CSMD1: variants seen among roughly 807,000 people sequenced by gnomAD.
CSMD1 encodes the protein CUB and sushi domain-containing protein 1.
Under a neutral mutation model 417.5 loss-of-function variants are expected in CSMD1, and 213 were observed. That is an observed-to-expected ratio of 0.51 (90% CI 0.46 to 0.57). CSMD1 has a LOEUF of 0.57. Ranked by LOEUF, CSMD1 falls within the 20% of genes least tolerant of loss-of-function variation. CSMD1 has a pLI of 0.00. For synonymous variants in CSMD1, 2,862 were observed against 1,736.8 expected (o/e 1.65, Z -16.11); for missense variants, 6,923 against 4,529.7 (o/e 1.53, Z -15.17).
intron 36 of CSMD1, among the ~76,000 whole-genome samples, chr8:3,184,899 G>A (rs1020346): frequency 0.45 from 67,886 of 151,644 alleles, 15,321 homozygotes; most frequent in South Asian, 0.58. Context: ...AATGCTCTTT[G>A]ACAAGTCCCT....
intron 1 of CSMD1, among the ~76,000 whole-genome samples, chr8:4,850,450 T>C (rs745348640): frequency 1.6e-4 from 24 of 150,962 alleles, no homozygotes; most frequent in Middle Eastern, 3.4e-3. Flanking sequence ...TTTTCATTGA[T>C]TGCTCAGGAA....
intron 3 of CSMD1, among the ~76,000 whole-genome samples, chr8:4,347,659 A>G (rs1800850414): frequency 6.6e-6 from 1 of 152,204 alleles, no homozygotes; most frequent in African/African-American, 2.4e-5. Context: ...GTAATTTCAC[A>G]TCAGTATGCA....
chr8:3,994,952 T>G (rs147906783), intron 5 of CSMD1, among the ~76,000 whole-genome samples: 2 of 152,250 alleles, frequency 1.3e-5, no homozygotes, highest in African/African-American at 2.4e-5. Context: ...CCACTCACAG[T>G]CACTCGCACC....
intron 5 of CSMD1, among the ~76,000 whole-genome samples, chr8:3,774,112 A>G (rs1994051): frequency 0.13 from 19,099 of 152,146 alleles, 1,975 homozygotes; most frequent in African/African-American, 0.28. Context: ...TCCGCAACCC[A>G]TTCCCTCTTA....
chr8:3,330,830 T>C (rs1242763525), intron 23 of CSMD1, among the ~76,000 whole-genome samples: 2 of 152,234 alleles, frequency 1.3e-5, no homozygotes, highest in African/African-American at 2.4e-5. Context: ...TAGGAATGAA[T>C]TATCAGCAGG....
intron 5 of CSMD1, among the ~76,000 whole-genome samples, chr8:3,954,363 G>A (rs1228197853): frequency 6.6e-6 from 1 of 150,718 alleles, no homozygotes; most frequent in Non-Finnish European, 1.5e-5. Context: ...GGGATCCTAG[G>A]ACTTTTTTTT....
chr8:4,928,169 T>A (rs1806998387), intron 1 of CSMD1, among the ~76,000 whole-genome samples: 1 of 152,226 alleles, frequency 6.6e-6, no homozygotes, highest in African/African-American at 2.4e-5. Flanking sequence ...ACTTTCCCGT[T>A]GCCATTGGCA....
intron 3 of CSMD1, among the ~76,000 whole-genome samples, chr8:4,224,193 G>C (rs1370515071): frequency 2.0e-5 from 3 of 150,776 alleles, no homozygotes; most frequent in Non-Finnish European, 4.4e-5. Flanking sequence ...TGAAAGTTAT[G>C]CAAAGCGTTT....
chr8:3,853,861 ATATAT>A (rs1804093548), intron 5 of CSMD1, among the ~76,000 whole-genome samples: 1 of 148,014 alleles, frequency 6.8e-6, no homozygotes, highest in Non-Finnish European at 1.5e-5. Context: ...CTAAAACTTA[ATATAT>A]TATACTTTAA....
chr8:4,322,691 G>A (rs987388899), intron 3 of CSMD1, among the ~76,000 whole-genome samples: 1 of 152,192 alleles, frequency 6.6e-6, no homozygotes, highest in Non-Finnish European at 1.5e-5. Context: ...AAGAGATGGT[G>A]ACAAGGTTGA....
In CSMD1 at chr8:4,637,740, A is replaced by C. The variant is rs1010071001; in HGVS notation, c.86-182T>G. ...CTGCGGACTGCAGTGGCGCGATCTC[A>C]GCTCACTGCAAGCTCCGCTTCCCGG... On this transcript the variant is annotated intron_variant, in intron 1 of 69. Transcript: ENST00000635120. Among the ~76,000 whole-genome samples the C allele has an allele frequency of 5.9e-5, 8 of 134,600 alleles. No individual in the cohort carries two copies. In the East Asian group the frequency reaches 9.2e-4, roughly 15 times the overall value. The allele number at this position is 134,600 out of a possible 152,430, so 88.3% of individuals were successfully genotyped here. A position where few individuals can be genotyped will look rare whatever the true frequency, so the allele number is the denominator to read the frequency against.
Position 3,308,415 on chromosome 8 carries a change from A to C in CSMD1, c.3720T>G (p.Val1240=). 1.2e-6 allele frequency: 2 copies of C among 1,613,588 alleles called. No homozygotes were observed. Among genetic ancestry groups the C allele is most frequent in the Non-Finnish European group, 1.7e-6 (2 of 1,179,554 alleles). The part of the protein sequence containing the change: ...RDEGHFTDTV[V]LYSCNPGYAM... ...CGTACCCCGGGTTGCAACTGTACAG[A>C]ACTACAGTGTCGGTAAAGTGGCCTT... Residue 1240 remains valine (V), a synonymous_variant, in exon 24 of 70, where the codon GTT becomes GTG. Transcript: ENST00000635120.
chr8:4,549,895 T>TAAAAAAAAAAAAA (rs1563277700), intron 2 of CSMD1, among the ~76,000 whole-genome samples: 6 of 65,850 alleles, frequency 9.1e-5, no homozygotes, highest in South Asian at 5.8e-4. Context: ...AGACTTTGTC[T>TAAAAAAAAAAAAA]CAAAAAAAAA....
intron 3 of CSMD1, among the ~76,000 whole-genome samples, chr8:4,326,267 C>G (rs1286258588): frequency 6.6e-6 from 1 of 152,166 alleles, no homozygotes; most frequent in African/African-American, 2.4e-5. Context: ...AGATCATCTT[C>G]ACATACGGTG....
chr8:4,840,806 C>T (rs1396109209), intron 1 of CSMD1, among the ~76,000 whole-genome samples: 1 of 152,102 alleles, frequency 6.6e-6, no homozygotes, highest in African/African-American at 2.4e-5. Context: ...GCTTTTATAC[C>T]AGGTAGGATT....
intron 12 of CSMD1, among the ~76,000 whole-genome samples, chr8:3,454,892 C>T (rs906459131): frequency 2.0e-5 from 3 of 152,184 alleles, no homozygotes; most frequent in Non-Finnish European, 4.4e-5. Flanking sequence ...TCCTGGATAA[C>T]ATCCTGCAGA....
chr8:3,954,680 A>AATAC (rs1479666565), intron 5 of CSMD1, among the ~76,000 whole-genome samples: 1 of 152,208 alleles, frequency 6.6e-6, no homozygotes, highest in African/African-American at 2.4e-5. Flanking sequence ...GGACTTGTAT[A>AATAC]GACTCCCCTC....
At chr8:4,044,379 A>C (rs1798041871) in intron 3 of CSMD1, among the ~76,000 whole-genome samples, 2 of 152,216 alleles carry the variant, frequency 1.3e-5, no homozygotes, top group African/African-American at 4.8e-5. Context: ...CCTTGTCTTA[A>C]TAAGCTAAAG....
chr8:4,510,109 G>A (rs557596430), intron 2 of CSMD1, among the ~76,000 whole-genome samples: 27 of 152,052 alleles, frequency 1.8e-4, no homozygotes, highest in Non-Finnish European at 3.8e-4. Context: ...GAGATCTGAT[G>A]GTTGTATAAA....
Sources: gnomAD v4.1 joint callset for allele counts (sites outside exome capture counted in the v4.1 genomes callset) on GRCh38, gnomAD v4.1.1 for gene constraint, MANE v1.5 for transcripts, NCBI Gene and HGNC (gene_info 2026-07-23, HGNC 2026-07-21) for gene names.